The following CRACDL variants were observed in gnomAD, a reference collection of about 807,000 sequenced individuals.
CRACDL encodes the protein CRACD-like protein.
A neutral mutation model predicts 70.6 loss-of-function variants in CRACDL; 26 were observed. That is an observed-to-expected ratio of 0.37 (90% CI 0.27 to 0.51). The LOEUF (loss-of-function observed/expected upper bound fraction) is 0.51, where lower values mean the gene tolerates loss of function less well. CRACDL is among the 20% of genes least tolerant of loss of function. CRACDL has a pLI of 0.94. For synonymous variants in CRACDL, 618 were observed against 615.2 expected (o/e 1.00, Z -0.07); for missense variants, 1,283 against 1,376.9 (o/e 0.93, Z 1.08).
At chr2:98,795,092 T>TTTTTTTTTTTA (rs1378998981) in intron 9 of CRACDL, among the ~76,000 whole-genome samples, 1 of 134,292 alleles carries the variant, frequency 7.4e-6, no homozygotes. Flanking sequence ...TTTTTTTTTT[T>TTTTTTTTTTTA]GAGACAGAAG....
chr2:98,884,179 T>C (rs559139087), intron 1 of CRACDL, among the ~76,000 whole-genome samples: 46 of 152,250 alleles, frequency 3.0e-4, no homozygotes, highest in African/African-American at 1.1e-3. Flanking sequence ...GGCAAACACC[T>C]GCCCCTGCCT....
chr2:98,890,404 G>A (rs1257258689), intron 1 of CRACDL, among the ~76,000 whole-genome samples: 2 of 152,046 alleles, frequency 1.3e-5, no homozygotes, highest in Non-Finnish European at 2.9e-5. Context: ...AACCTAAATG[G>A]TCAAATTTCT....
chr2:98,853,547 G>T (rs948464626), intron 1 of CRACDL, among the ~76,000 whole-genome samples: 2 of 152,148 alleles, frequency 1.3e-5, no homozygotes, highest in Admixed American at 1.3e-4. Flanking sequence ...TAGGATGAAA[G>T]AAAATTATAC....
Position 98,827,012 on chromosome 2 carries a change from C to T in CRACDL, c.698G>A (p.Arg233His), listed in dbSNP as rs749188999. The T allele has an allele frequency of 1.2e-6, 2 of 1,613,840 alleles. No individual in the cohort carries two copies. The highest frequency in any genetic ancestry group is 8.5e-7 in the Non-Finnish European group (1 of 1,179,880). Residue 233 changes from arginine to histidine, a missense_variant, in exon 6 of 10, where the codon CGC becomes CAC. Coordinates refer to ENST00000397899, the MANE Select transcript of CRACDL (RefSeq NM_207362.3). ...AAKHKLQVKPRNQRSSKMRRL... is the reference protein window; with the variant it reads ...AAKHKLQVKPHNQRSSKMRRL... ...CCTCATCTTACTCGACCGCTGGTTG[C>T]GGGGCTTGACCTGGAGCTTGTGCTT... is the stretch of plus-strand genomic sequence containing the variant.
At chr2:98,932,560 A>C (rs1709103738) in intron 1 of CRACDL, among the ~76,000 whole-genome samples, 1 of 152,042 alleles carries the variant, frequency 6.6e-6, no homozygotes, top group Non-Finnish European at 1.5e-5. Context: ...GGTGGTTTGG[A>C]AGACGCCCAT....
At chr2:98,813,663 T>A (rs966635426) in intron 7 of CRACDL, among the ~76,000 whole-genome samples, 2 of 152,204 alleles carry the variant, frequency 1.3e-5, no homozygotes, top group African/African-American at 4.8e-5. Flanking sequence ...CTGAATTTAG[T>A]ATAGTATACA....
Position 98,823,473 on chromosome 2 carries a change from T to G in CRACDL, c.800A>C (p.Lys267Thr). ...CTPEEEENEEKPLLEVSPEER... is the reference protein window; with the variant it reads ...CTPEEEENEETPLLEVSPEER... Reference sequence around the variant, plus strand: ...TTCTGGGCTGACTTCCAAAAGTGGCTTCTCCTCGTTTTCCTCCTCCTCTGG... The same window carrying G: ...TTCTGGGCTGACTTCCAAAAGTGGCGTCTCCTCGTTTTCCTCCTCCTCTGG... The change falls in exon 7 of 10, where the codon AAG becomes ACG. Residue 267 changes from lysine to threonine, a missense_variant. Physicochemically the swap from Lys to Thr is moderately conservative, Grantham distance 78. Transcript: ENST00000397899. This position sits in a 1 kb window ranked among gnomAD's most constrained non-coding sequence, Gnocchi z 4.0. The G allele has an allele frequency of 6.3e-7, 1 of 1,594,996 alleles. No individual in the cohort carries two copies. Among genetic ancestry groups the G allele is most frequent in the Non-Finnish European group, 8.5e-7 (1 of 1,178,128 alleles).
intron 2 of CRACDL, among the ~76,000 whole-genome samples, chr2:98,845,332 G>C (rs1367595411): frequency 6.6e-6 from 1 of 151,856 alleles, no homozygotes; most frequent in Non-Finnish European, 1.5e-5. Context: ...AAGTAGATGG[G>C]ACTACAGGTG....
chr2:98,872,785 G>A (rs1246603933), intron 1 of CRACDL, among the ~76,000 whole-genome samples: 3 of 152,158 alleles, frequency 2.0e-5, no homozygotes, highest in African/African-American at 7.2e-5. Context: ...ACAAAATGAT[G>A]TATGCAGTAA....
intron 7 of CRACDL, among the ~76,000 whole-genome samples, chr2:98,812,257 G>A (rs1575334021): frequency 6.6e-6 from 1 of 152,344 alleles, no homozygotes. Context: ...TTACAGGCGT[G>A]AGCCACCGCA....
chr2:98,795,075 A>ATTTTTTTTTTTTTTT (rs1310155610), intron 9 of CRACDL, among the ~76,000 whole-genome samples: 33 of 24,466 alleles, frequency 1.3e-3, no homozygotes, highest in Admixed American at 1.4e-3. Context: ...ATATATATAT[A>ATTTTTTTTTTTTTTT]TATTTTTTTT....
chr2:98,935,964 G>A lies in CRACDL; in HGVS notation c.-37C>T, dbSNP rs912304408. 1 of 152,126 alleles carries A rather than the reference G, an allele frequency of 6.6e-6. No individual in the cohort carries two copies. The highest frequency in any genetic ancestry group is 1.5e-5 in the Non-Finnish European group (1 of 68,020). 9.4% of individuals were successfully genotyped at this position (152,126 alleles called of 1,614,324 possible). A position where few individuals can be genotyped will look rare whatever the true frequency, so the allele number is the denominator to read the frequency against. ...TGGGACAGGAGCGTGGCCCGGGCTCGGCGAGACGCGCAGAGAAGGGCACCT... is the reference window on the plus strand; with the variant it reads ...TGGGACAGGAGCGTGGCCCGGGCTCAGCGAGACGCGCAGAGAAGGGCACCT... On this transcript the variant is annotated 5_prime_UTR_variant, in exon 1 of 10. Transcript: ENST00000397899.
chr2:98,910,606 A>C (rs1370906271), intron 1 of CRACDL, among the ~76,000 whole-genome samples: 1 of 152,202 alleles, frequency 6.6e-6, no homozygotes, highest in Non-Finnish European at 1.5e-5. Context: ...AGGATCCCCC[A>C]AAACCAGAGT....
At chr2:98,819,499 C>T (rs1185612846) in intron 7 of CRACDL, among the ~76,000 whole-genome samples, 2 of 152,296 alleles carry the variant, frequency 1.3e-5, no homozygotes, top group African/African-American at 2.4e-5. Flanking sequence ...CTCCAGATTC[C>T]GCACTGATTA....
rs561317507 is a variant in CRACDL, at chr2:98,832,281, C to G, written c.540+67G>C. The G allele has an allele frequency of 7.3e-5, 115 of 1,569,780 alleles. No individual in the cohort carries two copies. In the African/African-American group the frequency reaches 1.5e-3, roughly 20 times the overall value. ...GATCTTAGGGGCACACACAGGGGAT[C>G]TCAGAGCTCCAGCACCCTCCAGGGC... On this transcript the variant is annotated intron_variant, in intron 5 of 9. Transcript: ENST00000397899.
intron 1 of CRACDL, among the ~76,000 whole-genome samples, chr2:98,855,086 C>T (rs1195026174): frequency 6.6e-6 from 1 of 152,196 alleles, no homozygotes; most frequent in Non-Finnish European, 1.5e-5. Flanking sequence ...TCAAGACCAG[C>T]CTGGCCAACA....
At chr2:98,877,802 G>C (rs888754103) in intron 1 of CRACDL, among the ~76,000 whole-genome samples, 1 of 151,964 alleles carries the variant, frequency 6.6e-6, no homozygotes, top group African/African-American at 2.4e-5. Context: ...TCGGTTCATA[G>C]TGTTTATAAA....
intron 1 of CRACDL, among the ~76,000 whole-genome samples, chr2:98,916,795 G>C (rs576548740): frequency 6.6e-6 from 1 of 152,102 alleles, no homozygotes; most frequent in Non-Finnish European, 1.5e-5. Context: ...GGAGAGGAGC[G>C]AGTCCCTGAG....
In CRACDL at chr2:98,822,419, A is replaced by G. The variant is rs1357741582; in HGVS notation, c.1854T>C (p.Gly618=). The change falls in exon 7 of 10, where the codon GGT becomes GGC. Residue 618 remains glycine (G), a synonymous_variant. Transcript: ENST00000397899. This position sits in a 1 kb window ranked among gnomAD's most constrained non-coding sequence, Gnocchi z 4.9. Reference sequence around the variant, plus strand: ...GTTTCGCGTGCTGGGGCTCGGGGAGACCCTGGAGGTCGTCAAGAGCCGCCT... The same window carrying G: ...GTTTCGCGTGCTGGGGCTCGGGGAGGCCCTGGAGGTCGTCAAGAGCCGCCT... The part of the protein sequence containing the change: ...RSEAALDDLQ[G]LPEPQHAKPG... 2.4e-5 allele frequency: 36 copies of G among 1,479,822 alleles called. No individual in the cohort carries two copies. Among genetic ancestry groups the G allele is most frequent in the Non-Finnish European group, 2.9e-5 (33 of 1,123,952 alleles). The allele number at this position is 1,479,822 out of a possible 1,614,324, so 91.7% of individuals were successfully genotyped here.
Sources: allele counts gnomAD v4.1 joint callset (sites outside exome capture counted in the v4.1 genomes callset), GRCh38; gene constraint gnomAD v4.1.1; non-coding constraint Gnocchi (gnomAD v3.1); transcripts MANE v1.5; gene names NCBI Gene and HGNC (gene_info 2026-07-23, HGNC 2026-07-21).